ZEB1: variants seen among roughly 807,000 people sequenced by gnomAD.
The protein encoded by ZEB1 is zinc finger E-box binding homeobox 1.
In ZEB1, 21 loss-of-function variants were observed where a neutral mutation model predicts 84.9. The observed-to-expected ratio is 0.25, with a 90% CI of 0.18 to 0.36. The LOEUF (loss-of-function observed/expected upper bound fraction) is 0.36. Among genes scored for constraint, ZEB1 ranks in the 10% least tolerant of loss-of-function variants. The probability of loss-of-function intolerance (pLI) is 1.00; values close to 1 mark genes in which losing one functional copy is unlikely to be tolerated. For synonymous variants in ZEB1, 420 were observed against 471.1 expected, an observed-to-expected ratio of 0.89 and a Z score of 1.41; for missense variants, 1,104 against 1,330.2, an observed-to-expected ratio of 0.83 and a Z score of 2.65.
intron 1 of ZEB1, among the ~76,000 whole-genome samples, chr10:31,375,246 G>A (rs1228714996): frequency 6.6e-6 from 1 of 151,766 alleles, no homozygotes; most frequent in Non-Finnish European, 1.5e-5. Flanking sequence ...ATTCTGATTT[G>A]AAGATCTCAA....
chr10:31,319,234 C>A lies in ZEB1; in HGVS notation c.-1C>A. On this transcript the variant is annotated 5_prime_UTR_variant, in exon 1 of 9. Coordinates refer to ENST00000424869, the MANE Select transcript of ZEB1 (RefSeq NM_001174096.2). Reference sequence around the variant, plus strand: ...AGCATTTAGACACAAGCGAGAGGATCATGGCGGATGGCCCCAGGTGTAAGC... The same window carrying A: ...AGCATTTAGACACAAGCGAGAGGATAATGGCGGATGGCCCCAGGTGTAAGC... 6.2e-7 allele frequency: 1 copy of A among 1,608,218 alleles called. No homozygotes were observed. The highest frequency in any genetic ancestry group is 8.5e-7 in the Non-Finnish European group (1 of 1,178,030).
At chr10:31,483,714 C>T (rs1199800368) in intron 2 of ZEB1, among the ~76,000 whole-genome samples, 1 of 151,964 alleles carries the variant, frequency 6.6e-6, no homozygotes, top group Non-Finnish European at 1.5e-5. Flanking sequence ...CTGTAGCTAG[C>T]TGGCAGATTG....
intron 1 of ZEB1, among the ~76,000 whole-genome samples, chr10:31,380,399 A>G (rs977681663): frequency 1.3e-5 from 2 of 152,184 alleles, no homozygotes; most frequent in African/African-American, 2.4e-5. Flanking sequence ...TACTTTGCAC[A>G]TGGAACTGTT....
intron 1 of ZEB1, chr10:31,363,635 C>A (rs1412156022): frequency 2.0e-6 from 3 of 1,489,112 alleles, no homozygotes; most frequent in Admixed American, 2.0e-5. Flanking sequence ...ATCACCTGAT[C>A]ATCTAATGAA....
intron 1 of ZEB1, among the ~76,000 whole-genome samples, chr10:31,361,626 C>T (rs2134102298): frequency 6.9e-6 from 1 of 143,966 alleles, no homozygotes; most frequent in African/African-American, 2.6e-5. Context: ...GGCACTCCTC[C>T]CTTACAAATG....
intron 1 of ZEB1, among the ~76,000 whole-genome samples, chr10:31,400,233 T>C (rs943921285): frequency 1.2e-4 from 19 of 152,194 alleles, no homozygotes; most frequent in Admixed American, 2.0e-4. Flanking sequence ...CATAGAAATA[T>C]AGTGTTTGGC....
chr10:31,356,443 A>G (rs1564566830), intron 1 of ZEB1, among the ~76,000 whole-genome samples: 1 of 152,050 alleles, frequency 6.6e-6, no homozygotes, highest in Non-Finnish European at 1.5e-5. Context: ...GGATTTTCCT[A>G]TTGGTTGATT....
At chr10:31,400,683 A>G (rs556235573) in intron 1 of ZEB1, among the ~76,000 whole-genome samples, 1 of 152,278 alleles carries the variant, frequency 6.6e-6, no homozygotes, top group Admixed American at 6.5e-5. Context: ...TTTCAAAGGC[A>G]GTACAGAGAC....
intron 1 of ZEB1, among the ~76,000 whole-genome samples, chr10:31,331,357 A>G (rs1183881287): frequency 1.3e-5 from 2 of 152,000 alleles, no homozygotes; most frequent in African/African-American, 4.8e-5. Context: ...AAGTGCTGGG[A>G]TTACAGGCGT....
At chr10:31,423,661 T>C (rs1404744438) in intron 1 of ZEB1, among the ~76,000 whole-genome samples, 1 of 152,158 alleles carries the variant, frequency 6.6e-6, no homozygotes, top group Non-Finnish European at 1.5e-5. Context: ...TCTTGAGTTA[T>C]CTATAAGCGG....
chr10:31,477,404 A>C (rs2064371722), intron 2 of ZEB1, among the ~76,000 whole-genome samples: 1 of 152,044 alleles, frequency 6.6e-6, no homozygotes, highest in Admixed American at 6.6e-5. Flanking sequence ...CATGGATTGG[A>C]AGACTCAATA....
chr10:31,403,131 G>A (rs1287143462), intron 1 of ZEB1, among the ~76,000 whole-genome samples: 1 of 152,050 alleles, frequency 6.6e-6, no homozygotes, highest in Non-Finnish European at 1.5e-5. Context: ...TACTCTACTA[G>A]CTGTGTAACC....
chr10:31,494,400 GATC>G (rs2066948162), intron 2 of ZEB1, among the ~76,000 whole-genome samples: 1 of 151,938 alleles, frequency 6.6e-6, no homozygotes, highest in Non-Finnish European at 1.5e-5. Context: ...TTTCCTATAT[GATC>G]ATCTTCATGT....
Position 31,520,113 on chromosome 10 carries a change from T to C in ZEB1, c.794-13T>C, listed in dbSNP as rs1245203633. ...TAATTCAGTGAATATAATTTGTTTG[T>C]TTGTTTGTTTAGGAGAGAAGCCATA... On this transcript the variant is annotated splice_polypyrimidine_tract_variant and intron_variant, in intron 6 of 8. Coordinates refer to ENST00000424869, the MANE Select transcript of ZEB1 (RefSeq NM_001174096.2). This position sits in a 1 kb window ranked among gnomAD's most constrained non-coding sequence, Gnocchi z 5.1. 9 of 1,613,024 alleles carry C rather than the reference T, an allele frequency of 5.6e-6. No homozygotes were observed. The highest frequency in any genetic ancestry group is 7.6e-6 in the Non-Finnish European group (9 of 1,179,674).
intron 2 of ZEB1, among the ~76,000 whole-genome samples, chr10:31,470,362 GC>G (rs1483091626): frequency 8.2e-5 from 12 of 145,514 alleles, no homozygotes; most frequent in African/African-American, 3.1e-4. Context: ...ACAGAGAAGT[GC>G]TTAAAGGAGC....
rs371927211 is a variant in ZEB1, at chr10:31,509,029, G to A, written c.485-1644G>A. Among the ~76,000 whole-genome samples the A allele has an allele frequency of 6.8e-4, 103 of 152,260 alleles. 3 individuals are homozygous for A. In the South Asian group the frequency reaches 0.021, roughly 30 times the overall value. On this transcript the variant is annotated intron_variant, in intron 4 of 8. Transcript: ENST00000424869. ...ATGTGTGCAGCTCCTCTGCTGGGAG[G>A]AGGTATGGTCACTGCCAATGGCTTG...
intron 1 of ZEB1, among the ~76,000 whole-genome samples, chr10:31,332,642 A>G (rs1039652150): frequency 2.0e-5 from 3 of 152,134 alleles, no homozygotes; most frequent in Non-Finnish European, 4.4e-5. Flanking sequence ...TTTTTATTTG[A>G]ATAGAAACAG....
At chr10:31,388,415 C>A (rs2049021666) in intron 1 of ZEB1, among the ~76,000 whole-genome samples, 1 of 152,042 alleles carries the variant, frequency 6.6e-6, no homozygotes, top group Non-Finnish European at 1.5e-5. Context: ...GCAACCCTAC[C>A]TCTGATGCAG....
intron 1 of ZEB1, among the ~76,000 whole-genome samples, chr10:31,374,537 A>G (rs966812222): frequency 1.3e-5 from 2 of 151,874 alleles, no homozygotes; most frequent in African/African-American, 4.8e-5. Context: ...TCCAGTGCCA[A>G]TGGTAATTAC....
Sources: allele counts gnomAD v4.1 joint callset (sites outside exome capture counted in the v4.1 genomes callset), GRCh38; gene constraint gnomAD v4.1.1; non-coding constraint Gnocchi (gnomAD v3.1); transcripts MANE v1.5; gene names NCBI Gene and HGNC (gene_info 2026-07-23, HGNC 2026-07-21).